GALNT13: variants seen among roughly 807,000 people sequenced by gnomAD.
The protein encoded by GALNT13 is polypeptide N-acetylgalactosaminyltransferase 13.
A neutral mutation model predicts 64.2 loss-of-function variants in GALNT13; 28 were observed. That is an observed-to-expected ratio of 0.44 (90% CI 0.32 to 0.60). GALNT13 has a LOEUF of 0.60. GALNT13 is among the 20% of genes least tolerant of loss of function. The probability of loss-of-function intolerance (pLI) is 0.05; values close to 1 mark genes in which losing one functional copy is unlikely to be tolerated. For missense variants in GALNT13, 577 were observed against 669.8 expected (o/e 0.86, Z 1.53); for synonymous variants, 214 against 224.6 (o/e 0.95, Z 0.42).
At chr2:153,909,098 T>C (rs1355335267) in intron 2 of GALNT13, among the ~76,000 whole-genome samples, 1 of 152,118 alleles carries the variant, frequency 6.6e-6, no homozygotes, top group East Asian at 1.9e-4. Flanking sequence ...TTTGTGATTC[T>C]CATTGTAGAG....
the GALNT13 span, among the ~76,000 whole-genome samples, chr2:153,150,107 A>G: frequency 2.6e-5 from 4 of 151,892 alleles, no homozygotes; most frequent in Non-Finnish European, 4.4e-5. Context: ...ACCAAACTGT[A>G]TTGAATTAGT....
the GALNT13 span, among the ~76,000 whole-genome samples, chr2:153,725,070 T>C: frequency 1.4e-3 from 213 of 149,658 alleles, no homozygotes; most frequent in African/African-American, 5.1e-3. Flanking sequence ...TGTCCAACAA[T>C]GATAGACTGG....
chr2:153,599,976 G>T, the GALNT13 span, among the ~76,000 whole-genome samples: 1 of 151,996 alleles, frequency 6.6e-6, no homozygotes, highest in African/African-American at 2.4e-5. Context: ...TAAGGCAGCA[G>T]AACTGACTTC....
At chr2:153,907,130 T>C (rs1471250800) in intron 2 of GALNT13, among the ~76,000 whole-genome samples, 2 of 152,130 alleles carry the variant, frequency 1.3e-5, no homozygotes, top group African/African-American at 2.4e-5. Flanking sequence ...GAGTTCATTG[T>C]AGATTCTGGA....
chr2:153,862,979 T>G, the GALNT13 span, among the ~76,000 whole-genome samples: 1 of 152,112 alleles, frequency 6.6e-6, no homozygotes, highest in Non-Finnish European at 1.5e-5. Flanking sequence ...CTTTTTTCAT[T>G]TAATGTTGAG....
chr2:153,632,721 T>C, the GALNT13 span, among the ~76,000 whole-genome samples: 3 of 152,112 alleles, frequency 2.0e-5, no homozygotes, highest in Admixed American at 1.3e-4. Context: ...TTTTTCATGA[T>C]TTGATAGCTC....
chr2:154,300,801 A>C (rs1012080509), intron 8 of GALNT13, among the ~76,000 whole-genome samples: 1 of 152,178 alleles, frequency 6.6e-6, no homozygotes, highest in Non-Finnish European at 1.5e-5. Flanking sequence ...AATTGTAATC[A>C]GTCCTAAAAG....
chr2:154,388,072 T>G (rs959409225), intron 9 of GALNT13, among the ~76,000 whole-genome samples: 2 of 152,170 alleles, frequency 1.3e-5, no homozygotes, highest in Non-Finnish European at 1.5e-5. Flanking sequence ...CCACATCCTC[T>G]CCAACATGTG....
the GALNT13 span, among the ~76,000 whole-genome samples, chr2:153,483,190 A>T: frequency 8.5e-5 from 13 of 152,216 alleles, no homozygotes; most frequent in South Asian, 2.7e-3. Context: ...TTAAACATAA[A>T]ATTACCACAT....
the GALNT13 span, among the ~76,000 whole-genome samples, chr2:153,690,907 G>A: frequency 1.3e-5 from 2 of 152,108 alleles, no homozygotes; most frequent in Admixed American, 1.3e-4. Context: ...AGACCTGTAA[G>A]AGGGTCCTAC....
chr2:153,193,840 C>T, the GALNT13 span, among the ~76,000 whole-genome samples: 34 of 152,032 alleles, frequency 2.2e-4, no homozygotes, highest in Non-Finnish European at 4.7e-4. Context: ...TTTATTTCAC[C>T]TTCATTTGTG....
intron 4 of GALNT13, among the ~76,000 whole-genome samples, chr2:154,187,307 T>C (rs927969284): frequency 1.3e-5 from 2 of 151,866 alleles, no homozygotes; most frequent in Non-Finnish European, 2.9e-5. Flanking sequence ...ATTTTTTATT[T>C]AAATATTCTC....
the GALNT13 span, among the ~76,000 whole-genome samples, chr2:153,632,406 G>T: frequency 3.3e-5 from 5 of 151,958 alleles, no homozygotes; most frequent in Non-Finnish European, 7.4e-5. Flanking sequence ...CCTTTGTGTG[G>T]TGGGGTTTTT....
At chr2:153,452,528 A>G in the GALNT13 span, among the ~76,000 whole-genome samples, 1 of 151,994 alleles carries the variant, frequency 6.6e-6, no homozygotes, top group Non-Finnish European at 1.5e-5. Context: ...GTTAAGTGAA[A>G]TAAAATATTT....
chr2:153,093,490 C>T, the GALNT13 span, among the ~76,000 whole-genome samples: 4 of 152,004 alleles, frequency 2.6e-5, no homozygotes, highest in Non-Finnish European at 4.4e-5. Flanking sequence ...CCACCCGCCT[C>T]GGCCTCCCAA....
Position 153,965,376 on chromosome 2 carries a change from C to T in GALNT13, c.142+20737C>T, listed in dbSNP as rs2105107348. ...CATTACCCTTCCCAGCTTCTGATAACCATCATTCTACTCTCTATCTTCATG... is the reference window on the plus strand; with the variant it reads ...CATTACCCTTCCCAGCTTCTGATAATCATCATTCTACTCTCTATCTTCATG... On this transcript the variant is annotated intron_variant, in intron 3 of 12. Transcript: ENST00000392825. Among the ~76,000 whole-genome samples, 4 of 152,258 alleles carry T rather than the reference C, an allele frequency of 2.6e-5. No individual in the cohort carries two copies. The Middle Eastern group carries it at 0.01, about 388-fold the overall frequency.
chr2:153,753,099 T>G, the GALNT13 span, among the ~76,000 whole-genome samples: 3 of 152,140 alleles, frequency 2.0e-5, no homozygotes, highest in African/African-American at 7.2e-5. Flanking sequence ...TGTTTCCTGT[T>G]AATTATTTCA....
the GALNT13 span, among the ~76,000 whole-genome samples, chr2:153,580,701 T>G: frequency 6.6e-6 from 1 of 152,170 alleles, no homozygotes; most frequent in East Asian, 1.9e-4. Context: ...AACATGCTAC[T>G]TGCCTCCATC....
chr2:154,038,914 CCAAA>C (rs766879937), intron 3 of GALNT13, among the ~76,000 whole-genome samples: 79 of 151,880 alleles, frequency 5.2e-4, no homozygotes, highest in Non-Finnish European at 1.0e-3. Context: ...TCAATATTTC[CCAAA>C]CAAATGATTC....
Sources: gnomAD v4.1 joint callset for allele counts (sites outside exome capture counted in the v4.1 genomes callset) on GRCh38, gnomAD v4.1.1 for gene constraint, MANE v1.5 for transcripts, NCBI Gene and HGNC (gene_info 2026-07-23, HGNC 2026-07-21) for gene names.